DCAF1: variants seen among roughly 807,000 people sequenced by gnomAD.
DCAF1 encodes DDB1- and CUL4-associated factor 1.
Under a neutral mutation model 128.0 loss-of-function variants are expected in DCAF1, and 15 were observed. The observed-to-expected ratio is 0.12, with a 90% CI of 0.08 to 0.18. The LOEUF (loss-of-function observed/expected upper bound fraction) is 0.18, where lower values mean the gene tolerates loss of function less well. DCAF1 is among the 10% of genes least tolerant of loss of function. The probability of loss-of-function intolerance (pLI) is 1.00; values close to 1 mark genes in which losing one functional copy is unlikely to be tolerated. For synonymous variants in DCAF1, 610 were observed against 603.0 expected (o/e 1.01, Z -0.17); for missense variants, 988 against 1,649.5 (o/e 0.60, Z 6.95).
intron 4 of DCAF1, among the ~76,000 whole-genome samples, chr3:51,469,630 C>A (rs1334700644): frequency 6.6e-6 from 1 of 152,140 alleles, no homozygotes; most frequent in Non-Finnish European, 1.5e-5. Context: ...TGGTGATCTA[C>A]CTTATAGTAA....
chr3:51,447,826 T>C (rs1380404618), intron 6 of DCAF1, among the ~76,000 whole-genome samples: 3 of 152,136 alleles, frequency 2.0e-5, no homozygotes, highest in Non-Finnish European at 4.4e-5. Context: ...CACACGCCTA[T>C]AATCCCAGCT....
At chr3:51,427,256 C>T in intron 13 of DCAF1, 116 bp downstream of exon 13, 3 of 567,598 alleles carry the variant, frequency 5.3e-6, no homozygotes, top group Non-Finnish European at 3.2e-6. Context: ...AGATTCAAGT[C>T]CAAAATTTCA....
At chr3:51,464,153 C>T (rs560624128) in intron 5 of DCAF1, among the ~76,000 whole-genome samples, 6 of 152,212 alleles carry the variant, frequency 3.9e-5, no homozygotes, top group African/African-American at 1.4e-4. Flanking sequence ...TCACATCTGG[C>T]CCCCACACCA....
intron 14 of DCAF1, among the ~76,000 whole-genome samples, chr3:51,421,643 T>C (rs1699401900): frequency 6.6e-6 from 1 of 152,162 alleles, no homozygotes; most frequent in Admixed American, 6.5e-5. Context: ...GCAGAACCCT[T>C]TCCACTCTAT....
intron 24 of DCAF1, among the ~76,000 whole-genome samples, chr3:51,399,757 C>T (rs1284003874): frequency 6.6e-6 from 1 of 152,112 alleles, no homozygotes; most frequent in Non-Finnish European, 1.5e-5. Context: ...TTTGATTACT[C>T]GTAGCTCAGG....
intron 14 of DCAF1, among the ~76,000 whole-genome samples, chr3:51,421,443 G>C (rs1699381958): frequency 6.6e-6 from 1 of 152,050 alleles, no homozygotes; most frequent in African/African-American, 2.4e-5. Context: ...TTTTAGTAGA[G>C]GTGGGGTTTC....
upstream of DCAF1, among the ~76,000 whole-genome samples, chr3:51,502,262 G>C (rs937268012): frequency 2.0e-5 from 3 of 152,160 alleles, no homozygotes. Context: ...AACCTGGTCA[G>C]AGCACTGTGG....
At chr3:51,399,053 GAC>G (rs2089443954) in intron 24 of DCAF1, among the ~76,000 whole-genome samples, 1 of 152,250 alleles carries the variant, frequency 6.6e-6, no homozygotes, top group Admixed American at 6.5e-5. Flanking sequence ...TAAGGGCCTG[GAC>G]ACAGTTCCCC....
At chr3:51,441,289 T>C (rs1701335061) in intron 8 of DCAF1, 96 bp downstream of exon 8, 1 of 1,423,160 alleles carries the variant, frequency 7.0e-7, no homozygotes, top group African/African-American at 1.4e-5. Flanking sequence ...GTGGTAGAGT[T>C]AGAATATATC....
chr3:51,441,167 C>G (rs782714505), intron 8 of DCAF1, 96 bp from the exon 9 acceptor site: 2 of 1,260,158 alleles, frequency 1.6e-6, no homozygotes, highest in Non-Finnish European at 2.2e-6. Flanking sequence ...AGAAATGATG[C>G]ACCTCTTCCT....
intron 23 of DCAF1, among the ~76,000 whole-genome samples, chr3:51,405,645 C>T (rs2090051187): frequency 6.6e-6 from 1 of 152,184 alleles, no homozygotes. Context: ...TAGCCATAAA[C>T]TCACTTTCCA....
chr3:51,409,342 C>T (rs1318172660), intron 23 of DCAF1, among the ~76,000 whole-genome samples: 3 of 152,102 alleles, frequency 2.0e-5, no homozygotes, highest in Non-Finnish European at 4.4e-5. Context: ...AAGGCGAACC[C>T]AGAGAATAGC....
At chr3:51,503,303 C>T (rs555070784), upstream of DCAF1, among the ~76,000 whole-genome samples, 2 of 152,300 alleles carry the variant, frequency 1.3e-5, no homozygotes, top group South Asian at 2.1e-4. Context: ...CTACTCCCAC[C>T]TCCAAGCACA....
intron 2 of DCAF1, among the ~76,000 whole-genome samples, chr3:51,494,405 C>T (rs1456306951): frequency 1.3e-5 from 2 of 152,010 alleles, no homozygotes; most frequent in African/African-American, 2.4e-5. Context: ...TGAGCCACCG[C>T]GCCCGGCCGA....
chr3:51,476,943 G>T (rs181661085), intron 3 of DCAF1, among the ~76,000 whole-genome samples: 117 of 151,638 alleles, frequency 7.7e-4, no homozygotes, highest in Admixed American at 1.4e-3. Flanking sequence ...AAAATTAGCC[G>T]GGCTTGGTGG....
At chr3:51,410,013 T>C (rs1553627901) in intron 23 of DCAF1, among the ~76,000 whole-genome samples, 3 of 152,202 alleles carry the variant, frequency 2.0e-5, no homozygotes, top group Admixed American at 2.0e-4. Context: ...ATAACTCACA[T>C]GAGCTTTAGA....
At chr3:51,396,894 T>TTA (rs2089239750), downstream of DCAF1, 5 of 167,030 alleles carry the variant, frequency 3.0e-5, no homozygotes, top group Non-Finnish European at 7.3e-5. Context: ...GTCAGACTAT[T>TTA]CCACTGGTTA....
chr3:51,396,161 CA>C, downstream of DCAF1: 2 of 389,294 alleles, frequency 5.1e-6, no homozygotes, highest in Non-Finnish European at 9.5e-6. Flanking sequence ...AGCAGGTGCT[CA>C]GGACCCGGAA....
chr3:51,422,509 G>C (rs1280019615), intron 13 of DCAF1, 78 bp from the exon 14 acceptor site: 2 of 704,034 alleles, frequency 2.8e-6, no homozygotes, highest in Non-Finnish European at 5.3e-6. Context: ...GAGACACACA[G>C]ACAGATAGAC....
Sources: gnomAD v4.1 joint callset for allele counts (sites outside exome capture counted in the v4.1 genomes callset) on GRCh38, gnomAD v4.1.1 for gene constraint, MANE v1.5 for transcripts, NCBI Gene and HGNC (gene_info 2026-07-23, HGNC 2026-07-21) for gene names.